The following DMD variants were observed in gnomAD, a reference collection of about 807,000 sequenced individuals.
DMD encodes the protein mutant dystrophin.
Under a neutral mutation model 330.1 loss-of-function variants are expected in DMD, and 63 were observed. That is an observed-to-expected ratio of 0.19 (90% confidence interval 0.16 to 0.24). The LOEUF (loss-of-function observed/expected upper bound fraction) is 0.24, where lower values mean the gene tolerates loss of function less well. Among genes scored for constraint, DMD ranks in the 10% least tolerant of loss-of-function variants. The pLI is 1.00. For synonymous variants in DMD, 1,223 were observed against 959.8 expected (o/e 1.27, Z -5.07); for missense variants, 3,344 against 2,684.1 (o/e 1.25, Z -5.43).
intron 44 of DMD, among the ~76,000 whole-genome samples, chrX:32,113,048 A>AAGAAAATTACATAAACAGACTTT (rs2096595734): frequency 8.9e-6 from 1 of 112,796 alleles, no homozygotes; most frequent in South Asian, 3.6e-4. Flanking sequence ...GCAGAGTCAA[A>AAGAAAATTACATAAACAGACTTT]ACTAGAGCTC....
intron 59 of DMD, among the ~76,000 whole-genome samples, chrX:31,468,360 C>G (rs1434870462): frequency 8.9e-6 from 1 of 111,791 alleles, no homozygotes; most frequent in Non-Finnish European, 1.9e-5. Flanking sequence ...GATTCTGGTC[C>G]GTTGTGTATT....
chrX:31,242,288 A>T (rs759700064), intron 63 of DMD, among the ~76,000 whole-genome samples: 9 of 104,945 alleles, frequency 8.6e-5, no homozygotes, highest in African/African-American at 3.2e-4. Flanking sequence ...AAAAAAAAAA[A>T]AAATCTGGAG....
chrX:31,131,669 C>T (rs148401801), intron 77 of DMD, among the ~76,000 whole-genome samples: 1 of 111,318 alleles, frequency 9.0e-6, no homozygotes, highest in East Asian at 2.8e-4. Context: ...ACACATCTAC[C>T]AACTGGTAAG....
At chrX:31,150,142 G>T (rs1441028808) in intron 74 of DMD, among the ~76,000 whole-genome samples, 1 of 111,493 alleles carries the variant, frequency 9.0e-6, no homozygotes, top group Non-Finnish European at 1.9e-5. Context: ...GATGAGTGTT[G>T]AGATATAATT....
intron 62 of DMD, among the ~76,000 whole-genome samples, chrX:31,281,827 C>T (rs1276302768): frequency 3.6e-5 from 4 of 111,925 alleles, no homozygotes; most frequent in Non-Finnish European, 7.5e-5. Context: ...TCCCATAAAG[C>T]TGAGTAACAT....
chrX:32,375,965 A>C (rs1480775926), intron 34 of DMD, among the ~76,000 whole-genome samples: 1 of 111,643 alleles, frequency 9.0e-6, no homozygotes, highest in Non-Finnish European at 1.9e-5. Context: ...AAAGAACATA[A>C]CTGATCTTTT....
intron 1 of DMD, among the ~76,000 whole-genome samples, chrX:33,094,325 C>T (rs763558319): frequency 1.8e-5 from 2 of 111,155 alleles, no homozygotes; most frequent in South Asian, 7.5e-4. Context: ...AACTTACAGT[C>T]TTTTGAGAAA....
At chrX:31,617,078 G>T (rs1371938478) in intron 55 of DMD, among the ~76,000 whole-genome samples, 1 of 111,760 alleles carries the variant, frequency 8.9e-6, no homozygotes, top group Non-Finnish European at 1.9e-5. Flanking sequence ...AAGAAATGTG[G>T]GACAGACATT....
At chrX:32,518,770 C>A (rs1286850086) in intron 17 of DMD, among the ~76,000 whole-genome samples, 2 of 110,400 alleles carry the variant, frequency 1.8e-5, no homozygotes, top group Admixed American at 1.9e-4. Context: ...GCATGGGGCA[C>A]CAGGCATGCA....
At chrX:32,370,679 G>A (rs1305710232) in intron 34 of DMD, among the ~76,000 whole-genome samples, 1 of 109,553 alleles carries the variant, frequency 9.1e-6, no homozygotes, top group African/African-American at 3.3e-5. Context: ...AAATTACTCT[G>A]CTCACTTTAA....
intron 1 of DMD, among the ~76,000 whole-genome samples, chrX:33,298,044 G>A (rs1262600997): frequency 9.0e-6 from 1 of 110,918 alleles, no homozygotes; most frequent in East Asian, 2.8e-4. Context: ...TATATAGAAT[G>A]TTTTTATTTC....
At chrX:32,591,828 C>A (rs996564332) in intron 13 of DMD, among the ~76,000 whole-genome samples, 3 of 113,140 alleles carry the variant, frequency 2.7e-5, no homozygotes, top group Middle Eastern at 4.2e-3. Context: ...GGAAGCCCCC[C>A]TGCCTCCACA....
chrX:31,680,658 G>A (rs1018608830), intron 52 of DMD, among the ~76,000 whole-genome samples: 4 of 110,689 alleles, frequency 3.6e-5, no homozygotes, highest in African/African-American at 9.9e-5. Flanking sequence ...GATTACAGGC[G>A]TGAGCCACCG....
At chrX:31,849,508 G>A (rs894369622) in intron 48 of DMD, among the ~76,000 whole-genome samples, 9 of 110,426 alleles carry the variant, frequency 8.2e-5, no homozygotes, top group Admixed American at 2.9e-4. Flanking sequence ...TTCCAAGAGG[G>A]AACATGGAAC....
intron 2 of DMD, among the ~76,000 whole-genome samples, chrX:33,000,847 A>C (rs180762425): frequency 2.1e-4 from 23 of 112,083 alleles, no homozygotes; most frequent in Non-Finnish European, 3.8e-4. Context: ...ATACTATATA[A>C]ACTTTTTGCA....
chrX:31,244,785 T>G (rs2048675962), intron 63 of DMD, among the ~76,000 whole-genome samples: 1 of 111,948 alleles, frequency 8.9e-6, no homozygotes, highest in Admixed American at 9.5e-5. Context: ...GGTACTGAGA[T>G]GTGAGGTGAT....
Position 31,121,700 on chromosome X carries a change from A to G in DMD, c.*219T>C. On this transcript the variant is annotated 3_prime_UTR_variant, in exon 79 of 79. Transcript: ENST00000357033. ...CAAAACAATAACAGACTTAGAAACT[A>G]CTGAAATCTACAGTATAATACCACT... The G allele has an allele frequency of 4.0e-6, 2 of 500,566 alleles. No homozygotes were observed. The highest frequency in any genetic ancestry group is 6.8e-6 in the Non-Finnish European group (2 of 292,520). The allele number at this position is 500,566 out of a possible 1,213,427, so 41.3% of individuals were successfully genotyped here.
At chrX:32,849,917 G>T (rs1310389151) in intron 2 of DMD, 97 bp from the exon 3 acceptor site, 4 of 661,877 alleles carry the variant, frequency 6.0e-6, no homozygotes, top group Non-Finnish European at 9.6e-6. Flanking sequence ...TATATTTAAG[G>T]ATAATTAGTG....
intron 44 of DMD, among the ~76,000 whole-genome samples, chrX:32,190,842 A>G (rs1349550147): frequency 9.2e-6 from 1 of 108,872 alleles, no homozygotes; most frequent in African/African-American, 3.3e-5. Context: ...CACCTGAAGT[A>G]TAGAGTTAGC....
Sources: allele counts gnomAD v4.1 joint callset (sites outside exome capture counted in the v4.1 genomes callset), GRCh38; gene constraint gnomAD v4.1.1; transcripts MANE v1.5; gene names NCBI Gene and HGNC (gene_info 2026-07-23, HGNC 2026-07-21).